The following IL1RAPL1 variants were observed in gnomAD, a reference collection of about 807,000 sequenced individuals.
IL1RAPL1 encodes the protein interleukin 1 receptor accessory protein like 1, also known as interleukin-1 receptor accessory protein-like 1.
IL1RAPL1 carries 3 observed loss-of-function variants against 48.4 expected under a neutral mutation model. The ratio of observed to expected loss-of-function variants is 0.06; its 90% confidence interval spans 0.03 to 0.16. The LOEUF is 0.16. Ranked by LOEUF, IL1RAPL1 falls within the 10% of genes least tolerant of loss-of-function variation. The probability of loss-of-function intolerance (pLI) is 1.00; values close to 1 mark genes in which losing one functional copy is unlikely to be tolerated. For missense variants in IL1RAPL1, 349 were observed against 530.6 expected, an observed-to-expected ratio of 0.66 and a Z score of 3.36; for synonymous variants, 185 against 187.7, an observed-to-expected ratio of 0.99 and a Z score of 0.12.
chrX:29,231,237 C>G (rs891546189), intron 2 of IL1RAPL1, among the ~76,000 whole-genome samples: 2 of 110,627 alleles, frequency 1.8e-5, no homozygotes, highest in African/African-American at 6.6e-5. Context: ...TGACATTGGG[C>G]CAGTGATGTA....
intron 2 of IL1RAPL1, among the ~76,000 whole-genome samples, chrX:28,940,463 A>T (rs1020350276): frequency 9.0e-6 from 1 of 111,149 alleles, no homozygotes; most frequent in Admixed American, 9.6e-5. Flanking sequence ...TTCTTTTCAG[A>T]AGCGTTCCTT....
chrX:28,914,157 G>GAT (rs1347645330), intron 2 of IL1RAPL1, among the ~76,000 whole-genome samples: 13 of 110,557 alleles, frequency 1.2e-4, no homozygotes, highest in African/African-American at 3.9e-4. Flanking sequence ...AACTCAGTGG[G>GAT]ATGACAGCAA....
intron 2 of IL1RAPL1, among the ~76,000 whole-genome samples, chrX:29,119,378 G>T (rs928053459): frequency 1.8e-5 from 2 of 111,164 alleles, no homozygotes; most frequent in Non-Finnish European, 3.8e-5. Context: ...GCTGACAGGG[G>T]TAGTTTTTAA....
intron 2 of IL1RAPL1, among the ~76,000 whole-genome samples, chrX:29,143,399 C>T (rs897236571): frequency 5.4e-5 from 6 of 111,976 alleles, no homozygotes; most frequent in African/African-American, 2.0e-4. Flanking sequence ...GTAGTTCCCC[C>T]TTAACCATAG....
intron 6 of IL1RAPL1, among the ~76,000 whole-genome samples, chrX:29,673,430 C>T (rs769507293): frequency 2.1e-4 from 23 of 111,468 alleles, no homozygotes; most frequent in African/African-American, 6.8e-4. Context: ...ATTCACGCTA[C>T]TGGTTGTCAT....
At chrX:29,761,776 CAT>C (rs781417255) in intron 6 of IL1RAPL1, among the ~76,000 whole-genome samples, 76 of 110,385 alleles carry the variant, frequency 6.9e-4, no homozygotes, top group African/African-American at 1.8e-3. Context: ...CATTTTCCCA[CAT>C]CTTTGTCACT....
chrX:29,916,308 C>T (rs1932800531), intron 6 of IL1RAPL1, among the ~76,000 whole-genome samples: 1 of 111,050 alleles, frequency 9.0e-6, no homozygotes, highest in Non-Finnish European at 1.9e-5. Flanking sequence ...AGTTCTAGAT[C>T]CCTGAGGAAT....
At chrX:29,310,147 AAC>A (rs1390463081) in intron 3 of IL1RAPL1, among the ~76,000 whole-genome samples, 11 of 100,558 alleles carry the variant, frequency 1.1e-4, no homozygotes, top group African/African-American at 2.3e-4. Context: ...AAAAAAAAAA[AAC>A]AAAAAAAGGG....
intron 1 of IL1RAPL1, among the ~76,000 whole-genome samples, chrX:28,746,232 C>A (rs1935976200): frequency 9.0e-6 from 1 of 111,203 alleles, no homozygotes. Flanking sequence ...TCATTCTCAG[C>A]AAACACATTC....
intron 3 of IL1RAPL1, among the ~76,000 whole-genome samples, chrX:29,331,310 C>G (rs1383498586): frequency 1.8e-5 from 2 of 111,070 alleles, no homozygotes; most frequent in Admixed American, 9.6e-5. Flanking sequence ...CTCATCTATT[C>G]TGCTTGTGGC....
chrX:29,249,647 T>C (rs1931572158), intron 2 of IL1RAPL1, among the ~76,000 whole-genome samples: 1 of 112,001 alleles, frequency 8.9e-6, no homozygotes, highest in Non-Finnish European at 1.9e-5. Flanking sequence ...ACTCACATTC[T>C]ATATTCAGAA....
At chrX:28,939,834 C>G (rs1013148698) in intron 2 of IL1RAPL1, among the ~76,000 whole-genome samples, 2 of 111,053 alleles carry the variant, frequency 1.8e-5, no homozygotes, top group African/African-American at 6.5e-5. Context: ...TTGGATTAGA[C>G]AAATTTAGTA....
Position 29,057,988 on chromosome X carries a change from A to G in IL1RAPL1, c.83-224950A>G, listed in dbSNP as rs1489299495. Among the ~76,000 whole-genome samples, 4 of 112,098 alleles carry G rather than the reference A, an allele frequency of 3.6e-5. No individual in the cohort carries two copies. In the East Asian group the frequency reaches 8.4e-4, roughly 23 times the overall value. ...AATATTCAGATACGTTATGTAAATG[A>G]CGACCAGGACTTAGAAGTTGTTTAT... On this transcript the variant is annotated intron_variant, in intron 2 of 10. Transcript: ENST00000378993.
At chrX:28,845,295 A>G in intron 2 of IL1RAPL1, among the ~76,000 whole-genome samples, 1 of 111,804 alleles carries the variant, frequency 8.9e-6, no homozygotes. Flanking sequence ...TGAAATTGAT[A>G]TGTATGTATG....
At chrX:29,098,704 A>G (rs1445844419) in intron 2 of IL1RAPL1, among the ~76,000 whole-genome samples, 1 of 112,267 alleles carries the variant, frequency 8.9e-6, no homozygotes, top group Non-Finnish European at 1.9e-5. Context: ...GTTGGAATAC[A>G]TTCTCATTAA....
chrX:29,186,981 G>T (rs925106539), intron 2 of IL1RAPL1, among the ~76,000 whole-genome samples: 2 of 110,796 alleles, frequency 1.8e-5, no homozygotes, highest in East Asian at 5.7e-4. Context: ...GAGTTGGGGG[G>T]GAGGGAGAGC....
chrX:29,802,781 ATG>A (rs1262811121), intron 6 of IL1RAPL1, among the ~76,000 whole-genome samples: 1,101 of 32,548 alleles, frequency 0.034, 21 homozygotes, highest in South Asian at 0.08. Context: ...ATATATATAT[ATG>A]TGTGTGTGTA....
At chrX:28,815,158 A>C (rs1424577106) in intron 2 of IL1RAPL1, among the ~76,000 whole-genome samples, 2 of 110,671 alleles carry the variant, frequency 1.8e-5, no homozygotes, top group Admixed American at 1.9e-4. Context: ...AGCCAGATTT[A>C]TAACCTATAT....
intron 1 of IL1RAPL1, among the ~76,000 whole-genome samples, chrX:28,669,340 C>T (rs1934920672): frequency 9.0e-6 from 1 of 110,701 alleles, no homozygotes; most frequent in African/African-American, 3.3e-5. Context: ...GCCCCAAGGC[C>T]GGGCGCAGTG....
Sources: allele counts gnomAD v4.1 joint callset (sites outside exome capture counted in the v4.1 genomes callset), GRCh38; gene constraint gnomAD v4.1.1; transcripts MANE v1.5; gene names NCBI Gene and HGNC (gene_info 2026-07-23, HGNC 2026-07-21).